The following DDX10 variants were observed in gnomAD, a reference collection of about 807,000 sequenced individuals.
The protein encoded by DDX10 is DEAD-box helicase 10, also known as probable ATP-dependent RNA helicase DDX10.
Under a neutral mutation model 104.3 loss-of-function variants are expected in DDX10, and 74 were observed. The observed-to-expected ratio is 0.71, with a 90% CI of 0.59 to 0.86. The LOEUF is 0.86. Ranked by LOEUF, DDX10 falls within the 40% of genes least tolerant of loss-of-function variation. DDX10 has a pLI of 0.00. For synonymous variants in DDX10, 351 were observed against 353.4 expected, an observed-to-expected ratio of 0.99 and a Z score of 0.08; for missense variants, 952 against 1,040.0, an observed-to-expected ratio of 0.92 and a Z score of 1.16.
intron 13 of DDX10, among the ~76,000 whole-genome samples, chr11:108,750,812 C>T (rs1340780561): frequency 3.3e-5 from 5 of 150,160 alleles, no homozygotes; most frequent in Non-Finnish European, 7.4e-5. Flanking sequence ...GGCTAGAGTA[C>T]AGTGGCACAG....
At chr11:108,746,399 A>G (rs1219208511) in intron 13 of DDX10, among the ~76,000 whole-genome samples, 1 of 152,074 alleles carries the variant, frequency 6.6e-6, no homozygotes, top group Non-Finnish European at 1.5e-5. Context: ...GGGCTAAATA[A>G]TATTCCATTG....
At chr11:108,935,045 A>G (rs1424609429) in intron 17 of DDX10, among the ~76,000 whole-genome samples, 1 of 152,146 alleles carries the variant, frequency 6.6e-6, no homozygotes, top group Non-Finnish European at 1.5e-5. Flanking sequence ...TATTTTTACT[A>G]TTCAGATGAA....
chr11:108,676,603 C>G (rs940609652), intron 3 of DDX10, among the ~76,000 whole-genome samples: 1 of 152,096 alleles, frequency 6.6e-6, no homozygotes, highest in Non-Finnish European at 1.5e-5. Flanking sequence ...TGGGCTACCA[C>G]GCCAAGCTGA....
In DDX10 at chr11:108,890,294, G is replaced by A. The variant is rs535993433; in HGVS notation, c.2305-27579G>A. 5.3e-5 allele frequency among the ~76,000 whole-genome samples: 8 copies of A among 152,270 alleles called. No individual in the cohort carries two copies. The South Asian group carries it at 1.4e-3, about 28-fold the overall frequency. ...AGCCTATAAGTAGGCTATTAGTTGA[G>A]GAATTCATCTATGATAAGCTGTAGC... On this transcript the variant is annotated intron_variant, in intron 16 of 17. Transcript: ENST00000322536.
At position 108,825,210 on chromosome 11, in the gene DDX10, A is replaced by G. The variant is rs562858243; in HGVS notation, c.1966-13236A>G. Among the ~76,000 whole-genome samples, 3 of 152,326 alleles carry G rather than the reference A, an allele frequency of 2.0e-5. No homozygotes were observed. In the South Asian group the frequency reaches 6.2e-4, roughly 32 times the overall value. ...TTAATTCTAACAAGAAATTGAGGAAAGGAAGACAAATATGTTGTAGGTGTT... is the reference window on the plus strand; with the variant it reads ...TTAATTCTAACAAGAAATTGAGGAAGGGAAGACAAATATGTTGTAGGTGTT... On this transcript the variant is annotated intron_variant, in intron 13 of 17. Coordinates refer to ENST00000322536, the MANE Select transcript of DDX10 (RefSeq NM_004398.4).
Position 108,921,084 on chromosome 11 carries a change from T to TA in DDX10, c.2450+3070dup, listed in dbSNP as rs1185783754. On this transcript the variant is annotated intron_variant, in intron 17 of 17. Coordinates refer to ENST00000322536, the MANE Select transcript of DDX10 (RefSeq NM_004398.4). ...AATCAATTGGAACTGGTACGGAAGG[T>TA]AAAACCTATTTGCCATTCCTGGACT... The TA allele has an allele frequency of 7.2e-5, 11 of 152,344 alleles. No homozygotes were observed. In the East Asian group the frequency reaches 1.7e-3, roughly 24 times the overall value. 9.4% of individuals were successfully genotyped at this position (152,344 alleles called of 1,614,324 possible).
intron 13 of DDX10, among the ~76,000 whole-genome samples, chr11:108,771,210 T>G (rs1279327145): frequency 6.6e-6 from 1 of 152,196 alleles, no homozygotes; most frequent in Non-Finnish European, 1.5e-5. Flanking sequence ...TTAGATTTTT[T>G]TCCTATAGAG....
At chr11:108,774,865 A>G (rs1228898140) in intron 13 of DDX10, among the ~76,000 whole-genome samples, 1 of 152,150 alleles carries the variant, frequency 6.6e-6, no homozygotes, top group Non-Finnish European at 1.5e-5. Flanking sequence ...CATACTGCTC[A>G]TTGTTAAGAG....
At chr11:108,736,857 C>A (rs2094319042) in intron 13 of DDX10, among the ~76,000 whole-genome samples, 1 of 152,178 alleles carries the variant, frequency 6.6e-6, no homozygotes, top group African/African-American at 2.4e-5. Context: ...TATAGCAGCA[C>A]AAAGCAGACT....
At chr11:108,680,039 T>TATGG (rs780060676) in intron 6 of DDX10, among the ~76,000 whole-genome samples, 31 of 152,376 alleles carry the variant, frequency 2.0e-4, no homozygotes, top group Middle Eastern at 6.8e-3. Context: ...TATGCAGTAC[T>TATGG]AATGTGTTAT....
intron 16 of DDX10, among the ~76,000 whole-genome samples, chr11:108,910,309 A>G (rs1046478090): frequency 4.6e-5 from 7 of 152,224 alleles, no homozygotes; most frequent in Admixed American, 3.9e-4. Flanking sequence ...GACCTTGGTA[A>G]GTAATTTAGT....
intron 16 of DDX10, among the ~76,000 whole-genome samples, chr11:108,869,697 T>C (rs1267078571): frequency 6.6e-6 from 1 of 152,114 alleles, no homozygotes; most frequent in Non-Finnish European, 1.5e-5. Context: ...TATGAGTCAG[T>C]ATATCGATAC....
chr11:108,871,086 T>C (rs1863075721), intron 16 of DDX10, among the ~76,000 whole-genome samples: 1 of 152,148 alleles, frequency 6.6e-6, no homozygotes, highest in African/African-American at 2.4e-5. Flanking sequence ...CAGATAGATA[T>C]TAGCACACAT....
At chr11:108,686,467 G>T (rs1485254427) in intron 6 of DDX10, among the ~76,000 whole-genome samples, 1 of 152,134 alleles carries the variant, frequency 6.6e-6, no homozygotes. Flanking sequence ...TCAGAATGTT[G>T]TATAGTTGGA....
chr11:108,891,837 T>G (rs902876484), intron 16 of DDX10, among the ~76,000 whole-genome samples: 6 of 152,104 alleles, frequency 3.9e-5, no homozygotes, highest in Non-Finnish European at 8.8e-5. Flanking sequence ...CAGAACACTT[T>G]GTGGGGAGGG....
intron 9 of DDX10, among the ~76,000 whole-genome samples, chr11:108,694,699 T>G (rs1473758423): frequency 6.6e-6 from 1 of 152,022 alleles, no homozygotes; most frequent in Admixed American, 6.6e-5. Flanking sequence ...AGCAACATGG[T>G]GAAACCCTGT....
chr11:108,735,214 C>T (rs1483573677), intron 13 of DDX10, among the ~76,000 whole-genome samples: 1 of 152,094 alleles, frequency 6.6e-6, no homozygotes, highest in Non-Finnish European at 1.5e-5. Context: ...TGTTCTTTAC[C>T]ATGAAAGTGT....
chr11:108,816,709 G>A (rs1442635073), intron 13 of DDX10, among the ~76,000 whole-genome samples: 2 of 151,942 alleles, frequency 1.3e-5, no homozygotes, highest in Admixed American at 6.6e-5. Flanking sequence ...CCCACCACCA[G>A]GCCCGGCTAA....
At chr11:108,687,327 G>A (rs979945055) in intron 6 of DDX10, among the ~76,000 whole-genome samples, 10 of 151,912 alleles carry the variant, frequency 6.6e-5, no homozygotes, top group African/African-American at 2.2e-4. Context: ...ATTTTTTTGA[G>A]ACAAGGTCTT....
Sources: allele counts gnomAD v4.1 joint callset (sites outside exome capture counted in the v4.1 genomes callset), GRCh38; gene constraint gnomAD v4.1.1; transcripts MANE v1.5; gene names NCBI Gene and HGNC (gene_info 2026-07-23, HGNC 2026-07-21).